The following TACC2 variants were observed in gnomAD, a reference collection of about 807,000 sequenced individuals.
TACC2 encodes transforming acidic coiled-coil containing protein 2.
In TACC2, 137 loss-of-function variants were observed where a neutral mutation model predicts 227.3. The observed-to-expected ratio is 0.60, with a 90% CI of 0.52 to 0.69. The LOEUF (loss-of-function observed/expected upper bound fraction) is 0.69. TACC2 is among the 30% of genes least tolerant of loss of function. TACC2 has a pLI of 0.00. For missense variants in TACC2, 3,470 were observed against 3,694.4 expected (o/e 0.94, Z 1.57); for synonymous variants, 1,523 against 1,487.5 (o/e 1.02, Z -0.55).
At chr10:122,048,315 A>G (rs755720227) in intron 2 of TACC2, among the ~76,000 whole-genome samples, 3 of 151,854 alleles carry the variant, frequency 2.0e-5, no homozygotes, top group Non-Finnish European at 4.4e-5. Flanking sequence ...CCCTGCAGCC[A>G]TGGGACTGGG....
intron 3 of TACC2, among the ~76,000 whole-genome samples, chr10:122,079,610 T>C (rs533434670): frequency 1.3e-5 from 2 of 152,268 alleles, no homozygotes; most frequent in East Asian, 3.9e-4. Flanking sequence ...TTCAGGGATG[T>C]CAAATGACGC....
intron 7 of TACC2, among the ~76,000 whole-genome samples, chr10:122,178,239 C>CTTT (rs61083559): frequency 4.4e-5 from 6 of 136,462 alleles, no homozygotes; most frequent in Non-Finnish European, 7.9e-5. Context: ...TTCTTTCTTT[C>CTTT]TTTTTTTTTT....
chr10:122,050,046 G>A lies in TACC2; in HGVS notation c.34-392G>A, dbSNP rs1356006321. ...TATGTGAAGCCATCGGTGGTGGCGG[G>A]AGGAAAATGTGTTTTCATCTCAGGA... On this transcript the variant is annotated intron_variant, in intron 2 of 22. Coordinates refer to ENST00000369005, the MANE Select transcript of TACC2 (RefSeq NM_206862.4). The surrounding 1 kb of genome is among the most constrained non-coding windows in gnomAD (Gnocchi z 4.6). 6.6e-6 allele frequency among the ~76,000 whole-genome samples: 1 copy of A among 152,106 alleles called. No homozygotes were observed. Among genetic ancestry groups the A allele is most frequent in the Non-Finnish European group, 1.5e-5 (1 of 68,028 alleles).
chr10:122,134,470 C>T (rs955179178), intron 6 of TACC2, among the ~76,000 whole-genome samples: 3 of 152,092 alleles, frequency 2.0e-5, no homozygotes, highest in Admixed American at 1.3e-4. Flanking sequence ...TGAGCCACCT[C>T]GCCTGGCCGA....
chr10:122,011,389 G>C (rs1955905300), intron 1 of TACC2, among the ~76,000 whole-genome samples: 1 of 152,164 alleles, frequency 6.6e-6, no homozygotes, highest in African/African-American at 2.4e-5. Context: ...GGGTGCAGTG[G>C]CGGGCTCTCG....
intron 7 of TACC2, among the ~76,000 whole-genome samples, chr10:122,168,933 C>G (rs2140011878): frequency 6.6e-6 from 1 of 152,296 alleles, no homozygotes; most frequent in South Asian, 2.1e-4. Flanking sequence ...TCTGTTTCTT[C>G]CCTTTAAGAT....
At position 122,141,105 on chromosome 10, in the gene TACC2, G is replaced by A. The variant is rs1052347120; in HGVS notation, c.5700-2467G>A. Among the ~76,000 whole-genome samples, 2 of 152,194 alleles carry A rather than the reference G, an allele frequency of 1.3e-5. No individual in the cohort carries two copies. The highest frequency in any genetic ancestry group is 2.1e-4 in the South Asian group (1 of 4,828). On this transcript the variant is annotated intron_variant, in intron 6 of 22. Transcript: ENST00000369005. The surrounding 1 kb of genome is among the most constrained non-coding windows in gnomAD (Gnocchi z 4.3). Reference sequence around the variant, plus strand: ...GGTGATGAGGGGCATGGGAATGAGAGAACTGGAAGTCAGTGCCAGGGCCTG... The same window carrying A: ...GGTGATGAGGGGCATGGGAATGAGAAAACTGGAAGTCAGTGCCAGGGCCTG...
rs1251755690 is a variant in TACC2 at position 122,205,002 on chromosome 10, C to T, written c.5972-5395C>T. Among the ~76,000 whole-genome samples, 1 of 152,184 alleles carries T rather than the reference C, an allele frequency of 6.6e-6. No homozygotes were observed. The highest frequency in any genetic ancestry group is 1.5e-5 in the Non-Finnish European group (1 of 68,026). On this transcript the variant is annotated intron_variant, in intron 8 of 22. Transcript: ENST00000369005. This position sits in a 1 kb window ranked among gnomAD's most constrained non-coding sequence, Gnocchi z 4.5. Reference sequence around the variant, plus strand: ...ACCTAGCAAAGCCTCCCCTTAGGTGCTCCCCATCCTCACTATGGCTCTGTC... The same window carrying T: ...ACCTAGCAAAGCCTCCCCTTAGGTGTTCCCCATCCTCACTATGGCTCTGTC...
At chr10:122,012,143 C>G (rs916133623) in intron 1 of TACC2, among the ~76,000 whole-genome samples, 2 of 151,888 alleles carry the variant, frequency 1.3e-5, no homozygotes, top group Non-Finnish European at 2.9e-5. Flanking sequence ...TCACCCTGGC[C>G]GGACACGGTA....
intron 6 of TACC2, among the ~76,000 whole-genome samples, chr10:122,133,970 C>G (rs1026177558): frequency 6.6e-5 from 10 of 152,140 alleles, no homozygotes; most frequent in Admixed American, 2.0e-4. Flanking sequence ...CGTGCTGACC[C>G]TCTTCCTTGG....
chr10:122,168,021 G>A (rs1327849479), intron 7 of TACC2, among the ~76,000 whole-genome samples: 2 of 151,312 alleles, frequency 1.3e-5, no homozygotes, highest in Admixed American at 6.6e-5. Flanking sequence ...CAAGTAGCTG[G>A]GACTATAGGT....
At chr10:122,011,088 G>A (rs983269133) in intron 1 of TACC2, among the ~76,000 whole-genome samples, 1 of 152,182 alleles carries the variant, frequency 6.6e-6, no homozygotes, top group Admixed American at 6.5e-5. Context: ...AATCTAAGAC[G>A]ATGGTCCAAC....
At chr10:122,038,467 G>T (rs187150866) in intron 2 of TACC2, among the ~76,000 whole-genome samples, 3 of 152,184 alleles carry the variant, frequency 2.0e-5, no homozygotes, top group Non-Finnish European at 4.4e-5. Flanking sequence ...GAGGGAGTGA[G>T]TAGGTGGGGG....
intron 19 of TACC2, chr10:122,246,583 T>C (rs2096124817): frequency 6.6e-6 from 1 of 152,252 alleles, no homozygotes; most frequent in South Asian, 2.1e-4. Flanking sequence ...GTGACTTAGC[T>C]TCTCAAACCC....
chr10:122,038,844 A>T (rs1428697942), intron 2 of TACC2, among the ~76,000 whole-genome samples: 1 of 152,226 alleles, frequency 6.6e-6, no homozygotes, highest in Non-Finnish European at 1.5e-5. Context: ...TCTTTCTCTT[A>T]GAAAAATGGG....
rs376248779 is a variant in TACC2, at chr10:122,087,952, A to G, written c.5452A>G (p.Thr1818Ala). ...ACATTTGGCTCCAGAAGAGCTCCAC[A>G]CTGACAGGTACTTAAATGAAAAAAT... ...LQHLAPEELH[T>A]DRESPRPGPS... is the part of the protein sequence containing the mutation. The change falls in exon 4 of 23, where the codon ACT becomes GCT. Residue 1818 changes from threonine to alanine, a missense_variant. Transcript: ENST00000369005. 3 of 1,502,206 alleles carry G rather than the reference A, an allele frequency of 2.0e-6. No homozygotes were observed. The highest frequency in any genetic ancestry group is 2.7e-6 in the Non-Finnish European group (3 of 1,126,480). The allele number at this position is 1,502,206 out of a possible 1,614,324, so 93.1% of individuals were successfully genotyped here.
At chr10:122,149,960 C>G (rs559073752) in intron 7 of TACC2, among the ~76,000 whole-genome samples, 3 of 152,194 alleles carry the variant, frequency 2.0e-5, no homozygotes, top group Non-Finnish European at 4.4e-5. Context: ...ATTGATGGGT[C>G]CCCTGGTTCC....
chr10:122,229,133 G>A lies in TACC2; in HGVS notation c.7897-213G>A, dbSNP rs2095685160. 2.6e-5 allele frequency among the ~76,000 whole-genome samples: 4 copies of A among 152,106 alleles called. No individual in the cohort carries two copies. The South Asian group carries it at 8.3e-4, about 32-fold the overall frequency. On this transcript the variant is annotated intron_variant, in intron 14 of 22. Coordinates refer to ENST00000369005, the MANE Select transcript of TACC2 (RefSeq NM_206862.4). Reference sequence around the variant, plus strand: ...GGACACTGAAGGCTATGCTTTTGGGGAGGGGGTCGGGTCTGCCAATCTCAA... The same window carrying A: ...GGACACTGAAGGCTATGCTTTTGGGAAGGGGGTCGGGTCTGCCAATCTCAA...
In TACC2 at chr10:122,234,128, T is replaced by C. The variant is rs114940936; in HGVS notation, c.8128-3267T>C. On this transcript the variant is annotated intron_variant, in intron 16 of 22. Coordinates refer to ENST00000369005, the MANE Select transcript of TACC2 (RefSeq NM_206862.4). Reference sequence around the variant, plus strand: ...CGGATGGCAGGTGCTCTCCCCAGAATTGGCCTCTCTCTGCTCCAGGGGACA... The same window carrying C: ...CGGATGGCAGGTGCTCTCCCCAGAACTGGCCTCTCTCTGCTCCAGGGGACA... 7.6e-3 allele frequency among the ~76,000 whole-genome samples: 1,150 copies of C among 152,302 alleles called. 20 individuals are homozygous for C. Among genetic ancestry groups the C allele is most frequent in the African/African-American group, 0.026 (1,100 of 41,574 alleles).
Sources: allele counts gnomAD v4.1 joint callset (sites outside exome capture counted in the v4.1 genomes callset), GRCh38; gene constraint gnomAD v4.1.1; non-coding constraint Gnocchi (gnomAD v3.1); transcripts MANE v1.5; gene names NCBI Gene and HGNC (gene_info 2026-07-23, HGNC 2026-07-21).